Variants in NOTO observed in about 807,000 individuals in gnomAD.
NOTO encodes homeobox protein notochord.
NOTO carries 19 observed loss-of-function variants against 20.5 expected under a neutral mutation model. The observed-to-expected ratio is 0.93, with a 90% confidence interval of 0.65 to 1.36. The LOEUF (loss-of-function observed/expected upper bound fraction) is 1.36, where lower values mean the gene tolerates loss of function less well. Among genes scored for constraint, NOTO ranks in the 40% most tolerant of loss-of-function variants. NOTO has a pLI of 0.00. For synonymous variants in NOTO, 150 were observed against 150.2 expected (o/e 1.00, Z 0.01); for missense variants, 369 against 336.2 (o/e 1.10, Z -0.76).
At chr2:73,205,780 C>T (rs1450154757) in intron 1 of NOTO, among the ~76,000 whole-genome samples, 3 of 152,130 alleles carry the variant, frequency 2.0e-5, no homozygotes, top group African/African-American at 7.2e-5. Context: ...GGACCACAGG[C>T]ATGCGCTACC....
intron 1 of NOTO, 106 bp from the exon 2 acceptor site, chr2:73,208,294 C>T (rs750226904): frequency 1.9e-4 from 130 of 696,004 alleles, no homozygotes; most frequent in Non-Finnish European, 3.1e-4. Context: ...GGCAAGGTAG[C>T]AGAGCTGTGT....
At chr2:73,206,681 T>C (rs999691773) in intron 1 of NOTO, among the ~76,000 whole-genome samples, 2 of 152,020 alleles carry the variant, frequency 1.3e-5, no homozygotes, top group African/African-American at 4.8e-5. Flanking sequence ...GTAGGGATTA[T>C]TATCACCATT....
At chr2:73,207,851 A>G (rs1686110295) in intron 1 of NOTO, among the ~76,000 whole-genome samples, 1 of 152,158 alleles carries the variant, frequency 6.6e-6, no homozygotes, top group African/African-American at 2.4e-5. Context: ...CAACGTGCTC[A>G]GTGATGACTC....
At position 73,212,336 on chromosome 2, in the gene NOTO, A is replaced by G. The variant is rs1224199566; in HGVS notation, c.*1407A>G. ...ATTTTTAACATTTTTTGTAGAGACA[A>G]CGTCCACTTGTTGCCCAGGCTGGTC... is the stretch of plus-strand genomic sequence containing the variant. On this transcript the variant is annotated 3_prime_UTR_variant, in exon 3 of 3. Transcript: ENST00000398468. 1 of 152,164 alleles carries G rather than the reference A, an allele frequency of 6.6e-6. No homozygotes were observed. The highest frequency in any genetic ancestry group is 1.5e-5 in the Non-Finnish European group (1 of 68,048). 9.4% of individuals were successfully genotyped at this position (152,164 alleles called of 1,614,324 possible).
intron 1 of NOTO, among the ~76,000 whole-genome samples, chr2:73,207,832 G>C (rs867518083): frequency 6.6e-6 from 1 of 152,124 alleles, no homozygotes; most frequent in Admixed American, 6.5e-5. Context: ...TGGAATTACA[G>C]GCATGAGCCA....
chr2:73,203,731 G>A (rs1408989980), intron 1 of NOTO, among the ~76,000 whole-genome samples: 1 of 152,200 alleles, frequency 6.6e-6, no homozygotes, highest in Non-Finnish European at 1.5e-5. Context: ...TTGGAAGACC[G>A]AGGCGGGTGG....
In NOTO at chr2:73,202,595, G is replaced by T. The variant is rs1323930987; in HGVS notation, c.-72G>T. 5.2e-6 allele frequency: 7 copies of T among 1,354,022 alleles called. No individual in the cohort carries two copies. The South Asian group carries it at 6.4e-5, about 12-fold the overall frequency. 83.9% of individuals were successfully genotyped at this position (1,354,022 alleles called of 1,614,324 possible). On this transcript the variant is annotated 5_prime_UTR_variant, in exon 1 of 3. Coordinates refer to ENST00000398468, the MANE Select transcript of NOTO (RefSeq NM_001134462.2). ...GGTTCCCAGACAACCGGTCTTGCTCGCTGCCTTTTGCAGAATCTTCTCACT... is the reference window on the plus strand; with the variant it reads ...GGTTCCCAGACAACCGGTCTTGCTCTCTGCCTTTTGCAGAATCTTCTCACT...
intron 1 of NOTO, among the ~76,000 whole-genome samples, 200 bp downstream of exon 1, chr2:73,203,248 C>G (rs1310107761): frequency 2.6e-5 from 4 of 152,174 alleles, no homozygotes; most frequent in Non-Finnish European, 4.4e-5. Flanking sequence ...GACCCCGGCG[C>G]GAGGCTTCCC....
intron 2 of NOTO, among the ~76,000 whole-genome samples, chr2:73,209,953 C>T (rs1686155141): frequency 6.6e-6 from 1 of 152,142 alleles, no homozygotes; most frequent in Admixed American, 6.6e-5. Context: ...TCTCTACCTC[C>T]AAAATACAGC....
At chr2:73,203,258 C>T (rs1686032650) in intron 1 of NOTO, among the ~76,000 whole-genome samples, 1 of 152,206 alleles carries the variant, frequency 6.6e-6, no homozygotes. Flanking sequence ...CGAGGCTTCC[C>T]CCGCACGCTG....
intron 1 of NOTO, among the ~76,000 whole-genome samples, chr2:73,207,637 C>T (rs1686107636): frequency 1.3e-5 from 2 of 152,124 alleles, no homozygotes; most frequent in African/African-American, 2.4e-5. Flanking sequence ...TCACTGCAAC[C>T]TCTGCTTCCC....
At chr2:73,210,571 T>TA (rs1686164818) in intron 2 of NOTO, among the ~76,000 whole-genome samples, 200 bp from the exon 3 acceptor site, 1 of 152,218 alleles carries the variant, frequency 6.6e-6, no homozygotes, top group South Asian at 2.1e-4. Context: ...GGATGGTGCT[T>TA]AGCACATACT....
Position 73,203,004 on chromosome 2 carries a change from C to T in NOTO, c.338C>T (p.Pro113Leu). Reference protein sequence around the residue: ...LSVGFYPVPGPRVAPVCGLLG... With the variant: ...LSVGFYPVPGLRVAPVCGLLG... ...GTAGGTTTTTACCCTGTGCCAGGGC[C>T]GCGCGTGGCTCCCGTCTGCGGCCTG... is the stretch of plus-strand genomic sequence containing the variant. The change falls in exon 1 of 3, where the codon CCG becomes CTG. Residue 113 changes from proline (P) to leucine (L), a missense_variant. Transcript: ENST00000398468. 7.0e-7 allele frequency: 1 copy of T among 1,435,210 alleles called. No homozygotes were observed. 88.9% of individuals were successfully genotyped at this position (1,435,210 alleles called of 1,614,324 possible).
chr2:73,210,792 C>T lies in NOTO; in HGVS notation c.619C>T (p.Arg207Cys), dbSNP rs1160030389. The change falls in exon 3 of 3, where the codon CGC becomes TGC. Residue 207 changes from arginine to cysteine, a missense_variant. By Grantham distance (180) the Arg-to-Cys change is radical. Transcript: ENST00000398468. ...ENQVRVWFQN[R>C]RVKYQKQQKL... ...ATAGGTGAGAGTCTGGTTCCAGAACCGCAGGGTCAAGTATCAGAAGCAGCA... is the reference window on the plus strand; with the variant it reads ...ATAGGTGAGAGTCTGGTTCCAGAACTGCAGGGTCAAGTATCAGAAGCAGCA... 103 of 1,551,000 alleles carry T rather than the reference C, an allele frequency of 6.6e-5. No individual in the cohort carries two copies. The highest frequency in any genetic ancestry group is 8.6e-5 in the Non-Finnish European group (99 of 1,146,690).
chr2:73,203,853 C>CTACTCAGGAGGCTAA (rs1362772783), intron 1 of NOTO, among the ~76,000 whole-genome samples: 38 of 144,324 alleles, frequency 2.6e-4, no homozygotes, highest in African/African-American at 4.9e-4. Flanking sequence ...GTAATCCCAG[C>CTACTCAGGAGGCTAA]ACTTTGGGAG....
In NOTO at chr2:73,203,067, C is replaced by T; in HGVS notation, c.382+19C>T. The stretch of plus-strand genomic sequence containing the variant: ...GTCACAGGTACTGCGGTCCCGGCGC[C>T]CGCACGCGGGGGACTGGGCGGGGGC... On this transcript the variant is annotated intron_variant, in intron 1 of 2. Transcript: ENST00000398468. 1 of 1,372,584 alleles carries T rather than the reference C, an allele frequency of 7.3e-7. No individual in the cohort carries two copies. The highest frequency in any genetic ancestry group is 9.4e-7 in the Non-Finnish European group (1 of 1,069,202). 85.0% of individuals were successfully genotyped at this position (1,372,584 alleles called of 1,614,324 possible). A position where few individuals can be genotyped will look rare whatever the true frequency, so the allele number is the denominator to read the frequency against.
chr2:73,211,670 A>G lies in NOTO; in HGVS notation c.*741A>G, dbSNP rs961673876. On this transcript the variant is annotated 3_prime_UTR_variant, in exon 3 of 3. Coordinates refer to ENST00000398468, the MANE Select transcript of NOTO (RefSeq NM_001134462.2). ...TTTTTAGTAGAGACGGGGTTTCATC[A>G]TATGGTCAGGCTGGTCTTGAACTGC... is the stretch of plus-strand genomic sequence containing the variant. 5.9e-5 allele frequency: 9 copies of G among 152,148 alleles called. No individual in the cohort carries two copies. The highest frequency in any genetic ancestry group is 2.0e-4 in the Admixed American group (3 of 15,266). 9.4% of individuals were successfully genotyped at this position (152,148 alleles called of 1,614,324 possible). A position where few individuals can be genotyped will look rare whatever the true frequency, so the allele number is the denominator to read the frequency against.
chr2:73,208,493 T>C lies in NOTO; in HGVS notation c.476T>C (p.Val159Ala). 6.5e-7 allele frequency: 1 copy of C among 1,550,310 alleles called. No individual in the cohort carries two copies. The highest frequency in any genetic ancestry group is 8.7e-7 in the Non-Finnish European group (1 of 1,146,612). ...GACACTGAGAGACAGCAAAAGAGAG[T>C]CCGAACTATGTTTAACTTGGAGCAG... ...LQDTERQQKRVRTMFNLEQLE... is the reference protein window; with the variant it reads ...LQDTERQQKRARTMFNLEQLE... Residue 159 changes from valine to alanine, a missense_variant, in exon 2 of 3, where the codon GTC (valine) becomes GCC (alanine). By Grantham distance (64) the Val-to-Ala change is moderately conservative. Transcript: ENST00000398468.
chr2:73,205,859 G>A (rs895679436), intron 1 of NOTO, among the ~76,000 whole-genome samples: 11 of 151,854 alleles, frequency 7.2e-5, no homozygotes, highest in African/African-American at 1.2e-4. Context: ...TCAGCCTCCC[G>A]AGTAGCAGGG....
Sources: gnomAD v4.1 joint callset for allele counts (sites outside exome capture counted in the v4.1 genomes callset) on GRCh38, gnomAD v4.1.1 for gene constraint, MANE v1.5 for transcripts, NCBI Gene and HGNC (gene_info 2026-07-23, HGNC 2026-07-21) for gene names.